MTCL3: variants seen among roughly 807,000 people sequenced by gnomAD.
MTCL3 encodes microtubule cross-linking factor 3.
the MTCL3 span, among the ~76,000 whole-genome samples, chr6:127,510,268 G>A: frequency 6.6e-6 from 1 of 152,128 alleles, no homozygotes; most frequent in Non-Finnish European, 1.5e-5. Context: ...TGCCTCTTTG[G>A]TATGAATATA....
chr6:127,496,815 G>T, the MTCL3 span, among the ~76,000 whole-genome samples: 4 of 152,226 alleles, frequency 2.6e-5, no homozygotes, highest in Admixed American at 2.0e-4. Flanking sequence ...TTGCCCAATG[G>T]GGTATTATTT....
chr6:127,481,651 A>G, the MTCL3 span, among the ~76,000 whole-genome samples: 1 of 84,280 alleles, frequency 1.2e-5, no homozygotes, highest in Middle Eastern at 4.6e-3. Context: ...TGTAATCACA[A>G]AAGTATACTA....
chr6:127,487,857 C>A, the MTCL3 span, among the ~76,000 whole-genome samples: 1 of 152,210 alleles, frequency 6.6e-6, no homozygotes, highest in South Asian at 2.1e-4. Context: ...TGACTACACA[C>A]TGGATTTATT....
the MTCL3 span, among the ~76,000 whole-genome samples, chr6:127,484,198 A>G: frequency 1.3e-5 from 2 of 152,196 alleles, no homozygotes; most frequent in African/African-American, 4.8e-5. Flanking sequence ...TAAATTCTTC[A>G]CATGTTAATT....
the MTCL3 span, among the ~76,000 whole-genome samples, chr6:127,502,279 G>A: frequency 2.0e-5 from 3 of 152,284 alleles, no homozygotes; most frequent in East Asian, 1.9e-4. Context: ...CTGCTACTCT[G>A]TTTCTTTTTA....
chr6:127,513,088 G>T, the MTCL3 span: 1 of 1,533,596 alleles, frequency 6.5e-7, no homozygotes, highest in South Asian at 1.2e-5. Flanking sequence ...TATAATTAAT[G>T]ACAATATAAT....
At chr6:127,513,507 A>T in the MTCL3 span, among the ~76,000 whole-genome samples, 7 of 152,234 alleles carry the variant, frequency 4.6e-5, no homozygotes, top group Non-Finnish European at 1.0e-4. Context: ...AAGAATGAAA[A>T]ATTGAAGTTT....
At chr6:127,504,524 A>G in the MTCL3 span, among the ~76,000 whole-genome samples, 1 of 152,324 alleles carries the variant, frequency 6.6e-6, no homozygotes, top group African/African-American at 2.4e-5. Context: ...GAGCAAGGCC[A>G]TTCACAGGCA....
At chr6:127,490,653 C>T in the MTCL3 span, among the ~76,000 whole-genome samples, 4 of 151,944 alleles carry the variant, frequency 2.6e-5, no homozygotes, top group Non-Finnish European at 5.9e-5. Flanking sequence ...TCCGTCTCTA[C>T]TAAAAATACA....
chr6:127,507,904 C>T, the MTCL3 span, among the ~76,000 whole-genome samples: 3 of 151,136 alleles, frequency 2.0e-5, no homozygotes, highest in South Asian at 6.3e-4. Context: ...ATGGCAACTT[C>T]CTGGAAGAAA....
chr6:127,518,099 A>G, the MTCL3 span, among the ~76,000 whole-genome samples: 2 of 152,178 alleles, frequency 1.3e-5, no homozygotes, highest in African/African-American at 4.8e-5. Flanking sequence ...TCACTTTGAA[A>G]TATAAAGGTG....
At chr6:127,512,853 A>C in the MTCL3 span, 1 of 1,557,432 alleles carries the variant, frequency 6.4e-7, no homozygotes, top group Non-Finnish European at 8.7e-7. Context: ...TAAAGGGCTA[A>C]AAATACATAG....
the MTCL3 span, among the ~76,000 whole-genome samples, chr6:127,518,076 A>G: frequency 1.3e-5 from 2 of 152,210 alleles, no homozygotes; most frequent in African/African-American, 4.8e-5. Flanking sequence ...TGTTTCTGGC[A>G]TCTCCTTCCA....
the MTCL3 span, among the ~76,000 whole-genome samples, chr6:127,509,277 C>T: frequency 6.6e-6 from 1 of 152,178 alleles, no homozygotes; most frequent in African/African-American, 2.4e-5. Flanking sequence ...CTCTATCCTG[C>T]CTCTACTCAA....
At chr6:127,479,460 T>A in the MTCL3 span, among the ~76,000 whole-genome samples, 4 of 152,222 alleles carry the variant, frequency 2.6e-5, no homozygotes, top group African/African-American at 4.8e-5. Context: ...AAGTCCTTGA[T>A]TGCAAGGCAA....
At chr6:127,495,484 C>T in the MTCL3 span, among the ~76,000 whole-genome samples, 1 of 152,136 alleles carries the variant, frequency 6.6e-6, no homozygotes, top group East Asian at 1.9e-4. Flanking sequence ...TACACTGCAT[C>T]TCAACCAGCT....
the MTCL3 span, chr6:127,515,631 G>T: frequency 7.1e-7 from 1 of 1,418,142 alleles, no homozygotes; most frequent in African/African-American, 1.5e-5. This position sits in a 1 kb window ranked among gnomAD's most constrained non-coding sequence, Gnocchi z 4.3. Flanking sequence ...GCATGCCCCC[G>T]CCGCTCGCGC....
chr6:127,475,616 G>A, the MTCL3 span: 1 of 1,600,210 alleles, frequency 6.2e-7, no homozygotes, highest in Non-Finnish European at 8.5e-7. The surrounding 1 kb of genome is among the most constrained non-coding windows in gnomAD (Gnocchi z 7.3). Context: ...TTGGGCCAGG[G>A]CCCGGGCGCC....
chr6:127,482,905 C>T, the MTCL3 span: 1 of 1,590,208 alleles, frequency 6.3e-7, no homozygotes, highest in Non-Finnish European at 8.5e-7. The surrounding 1 kb of genome is among the most constrained non-coding windows in gnomAD (Gnocchi z 4.1). Context: ...AATTTTATTT[C>T]CACATACCTC....
Sources: gnomAD v4.1 joint callset for allele counts (sites outside exome capture counted in the v4.1 genomes callset) on GRCh38, gnomAD v4.1.1 for gene constraint, Gnocchi (gnomAD v3.1) non-coding constraint, MANE v1.5 for transcripts, NCBI Gene and HGNC (gene_info 2026-07-23, HGNC 2026-07-21) for gene names.